ST6GALNAC3: variants seen among roughly 807,000 people sequenced by gnomAD.
The protein encoded by ST6GALNAC3 is ST6 N-acetylgalactosaminide alpha-2,6-sialyltransferase 3.
A neutral mutation model predicts 32.7 loss-of-function variants in ST6GALNAC3; 25 were observed. The ratio of observed to expected loss-of-function variants is 0.76; its 90% confidence interval spans 0.56 to 1.07. The LOEUF (loss-of-function observed/expected upper bound fraction) is 1.07, where lower values mean the gene tolerates loss of function less well. ST6GALNAC3 is among the 50% of genes least tolerant of loss of function. The pLI is 0.00. For missense variants in ST6GALNAC3, 355 were observed against 382.4 expected (o/e 0.93, Z 0.60); for synonymous variants, 129 against 133.1 (o/e 0.97, Z 0.21).
chr1:76,252,850 G>C (rs1005602414), intron 1 of ST6GALNAC3, among the ~76,000 whole-genome samples: 1 of 152,082 alleles, frequency 6.6e-6, no homozygotes, highest in Non-Finnish European at 1.5e-5. Flanking sequence ...GAATCATAAG[G>C]CAATCTCTCA....
At chr1:76,155,062 A>T (rs1314704749) in intron 1 of ST6GALNAC3, among the ~76,000 whole-genome samples, 1 of 151,972 alleles carries the variant, frequency 6.6e-6, no homozygotes, top group Admixed American at 6.6e-5. Context: ...TGTGTATGTG[A>T]GGGTGACCTT....
intron 3 of ST6GALNAC3, among the ~76,000 whole-genome samples, chr1:76,465,210 A>C (rs1319585860): frequency 6.6e-6 from 1 of 152,192 alleles, no homozygotes; most frequent in Non-Finnish European, 1.5e-5. Context: ...CATTCGCTGC[A>C]TGGCCCAATT....
At chr1:76,244,676 C>T (rs1010064850) in intron 1 of ST6GALNAC3, among the ~76,000 whole-genome samples, 1 of 152,080 alleles carries the variant, frequency 6.6e-6, no homozygotes, top group East Asian at 1.9e-4. Flanking sequence ...TTATCAATGG[C>T]GTTTTCTGCA....
intron 1 of ST6GALNAC3, among the ~76,000 whole-genome samples, chr1:76,182,667 C>A (rs894513577): frequency 1.1e-4 from 16 of 152,034 alleles, no homozygotes; most frequent in African/African-American, 3.9e-4. Context: ...GATAACTAGG[C>A]AGGTATTTTT....
chr1:76,531,617 G>A (rs1490313416), intron 3 of ST6GALNAC3, among the ~76,000 whole-genome samples: 1 of 152,118 alleles, frequency 6.6e-6, no homozygotes, highest in African/African-American at 2.4e-5. Context: ...CTCATTGACT[G>A]TAAGAGAATG....
intron 3 of ST6GALNAC3, among the ~76,000 whole-genome samples, chr1:76,427,533 C>T (rs572895194): frequency 1.1e-3 from 164 of 152,166 alleles, no homozygotes; most frequent in African/African-American, 3.6e-3. Flanking sequence ...AAAAATTAAT[C>T]GTATCTCCAA....
chr1:76,341,666 T>C (rs548268017), intron 2 of ST6GALNAC3, among the ~76,000 whole-genome samples: 47 of 145,480 alleles, frequency 3.2e-4, no homozygotes, highest in African/African-American at 1.1e-3. Context: ...TCTTTCTTTC[T>C]TTCTTTCTTT....
intron 1 of ST6GALNAC3, among the ~76,000 whole-genome samples, chr1:76,216,289 C>T (rs1655458661): frequency 6.6e-6 from 1 of 152,166 alleles, no homozygotes; most frequent in Non-Finnish European, 1.5e-5. Context: ...CACAGACTCA[C>T]ACACACAAAT....
chr1:76,113,878 T>C (rs995574797), intron 1 of ST6GALNAC3, among the ~76,000 whole-genome samples: 1 of 151,552 alleles, frequency 6.6e-6, no homozygotes, highest in Non-Finnish European at 1.5e-5. Context: ...CCAGCTGGAG[T>C]GCAATGGCAT....
intron 2 of ST6GALNAC3, among the ~76,000 whole-genome samples, chr1:76,327,275 CGTGTGTGTGTGT>C (rs3079480): frequency 0.19 from 26,667 of 138,704 alleles, 3,081 homozygotes; most frequent in African/African-American, 0.36. Context: ...TGTATATATG[CGTGTGTGTGTGT>C]GTGTGTGTGT....
chr1:76,525,723 ATG>A (rs1662827152), intron 3 of ST6GALNAC3, among the ~76,000 whole-genome samples: 1 of 145,960 alleles, frequency 6.9e-6, no homozygotes, highest in African/African-American at 2.5e-5. Context: ...AACTATATAT[ATG>A]TGTGTGTATA....
intron 2 of ST6GALNAC3, among the ~76,000 whole-genome samples, chr1:76,345,983 A>G (rs1025211041): frequency 6.6e-6 from 1 of 152,246 alleles, no homozygotes; most frequent in Admixed American, 6.5e-5. Flanking sequence ...CTTCTTAAGC[A>G]AAAGTCTCCC....
chr1:76,194,894 G>T (rs1654107386), intron 1 of ST6GALNAC3, among the ~76,000 whole-genome samples: 1 of 152,306 alleles, frequency 6.6e-6, no homozygotes, highest in Admixed American at 6.5e-5. Context: ...GGTCTAGCTT[G>T]CACTTTGAAT....
chr1:76,293,283 C>T (rs554192839), intron 1 of ST6GALNAC3, among the ~76,000 whole-genome samples: 11 of 152,102 alleles, frequency 7.2e-5, no homozygotes, highest in Non-Finnish European at 1.5e-4. Flanking sequence ...GGTGTTGTAT[C>T]TTTTGCAGAT....
intron 1 of ST6GALNAC3, among the ~76,000 whole-genome samples, chr1:76,300,830 G>C (rs954616134): frequency 6.6e-6 from 1 of 151,984 alleles, no homozygotes; most frequent in African/African-American, 2.4e-5. Context: ...TCAGAACAAA[G>C]CGCTCTGAAT....
chr1:76,356,805 T>A (rs751508591), intron 2 of ST6GALNAC3, among the ~76,000 whole-genome samples: 1 of 152,152 alleles, frequency 6.6e-6, no homozygotes. Flanking sequence ...ATGAGAACTA[T>A]TATAATAGCC....
Position 76,341,344 on chromosome 1 carries a change from A to G in ST6GALNAC3, c.213+27345A>G, listed in dbSNP as rs190461573. 5.4e-3 allele frequency among the ~76,000 whole-genome samples: 827 copies of G among 152,124 alleles called. 2 individuals carry two copies. Among genetic ancestry groups the G allele is most frequent in the African/African-American group, 0.019 (787 of 41,516 alleles). On this transcript the variant is annotated intron_variant, in intron 2 of 4. Transcript: ENST00000328299. ...ATTTCTGTAGTAATTCACTTAGGAT[A>G]ATGGCCTCTAGCTTCATCCGTATTG...
intron 1 of ST6GALNAC3, among the ~76,000 whole-genome samples, chr1:76,192,268 A>G (rs984983808): frequency 6.6e-6 from 1 of 152,214 alleles, no homozygotes; most frequent in Non-Finnish European, 1.5e-5. Flanking sequence ...AAAATCCATT[A>G]TCCTCATGTG....
intron 1 of ST6GALNAC3, among the ~76,000 whole-genome samples, chr1:76,102,125 T>C (rs1647248648): frequency 6.6e-6 from 1 of 152,138 alleles, no homozygotes; most frequent in Non-Finnish European, 1.5e-5. Context: ...TTTTCTCAAT[T>C]ACAAAGGATC....
Sources: allele counts gnomAD v4.1 joint callset (sites outside exome capture counted in the v4.1 genomes callset), GRCh38; gene constraint gnomAD v4.1.1; transcripts MANE v1.5; gene names NCBI Gene and HGNC (gene_info 2026-07-23, HGNC 2026-07-21).